The following BMPR2 variants were observed in gnomAD, a reference collection of about 807,000 sequenced individuals.
BMPR2 encodes bone morphogenetic protein receptor type-2.
BMPR2 carries 29 observed loss-of-function variants against 100.8 expected under a neutral mutation model. The observed-to-expected ratio is 0.29, with a 90% CI of 0.21 to 0.39. The LOEUF is 0.39. Among genes scored for constraint, BMPR2 ranks in the 10% least tolerant of loss-of-function variants. The probability of loss-of-function intolerance (pLI) is 1.00; values close to 1 mark genes in which losing one functional copy is unlikely to be tolerated. For missense variants in BMPR2, 1,011 were observed against 1,274.5 expected, an observed-to-expected ratio of 0.79 and a Z score of 3.15; for synonymous variants, 382 against 442.3, an observed-to-expected ratio of 0.86 and a Z score of 1.71.
chr2:202,422,140 T>C (rs1008866383), intron 1 of BMPR2, among the ~76,000 whole-genome samples: 14 of 151,504 alleles, frequency 9.2e-5, no homozygotes, highest in Non-Finnish European at 1.8e-4. Flanking sequence ...ATCTCCTGAC[T>C]TCGTGATCTG....
At chr2:202,474,006 G>C (rs1392664899) in intron 3 of BMPR2, among the ~76,000 whole-genome samples, 1 of 150,976 alleles carries the variant, frequency 6.6e-6, no homozygotes, top group African/African-American at 2.4e-5. Context: ...TCGGGAGGCT[G>C]AGGCAGAAGA....
Position 202,495,376 on chromosome 2 carries a change from C to T in BMPR2, c.419-18343C>T, listed in dbSNP as rs1441703455. On this transcript the variant is annotated intron_variant, in intron 3 of 12. Coordinates refer to ENST00000374580, the MANE Select transcript of BMPR2 (RefSeq NM_001204.7). This position sits in a 1 kb window ranked among gnomAD's most constrained non-coding sequence, Gnocchi z 4.5. ...CGTCTGCCCCAGCCAAACTCCGCGT[C>T]GTTGTCGTTCTGTCGACGGCCTGCC... 3.9e-5 allele frequency among the ~76,000 whole-genome samples: 6 copies of T among 152,330 alleles called. No individual in the cohort carries two copies. Among genetic ancestry groups the T allele is most frequent in the East Asian group, 1.9e-4 (1 of 5,188 alleles).
At chr2:202,533,388 CTAA>C (rs1474199945) in intron 9 of BMPR2, among the ~76,000 whole-genome samples, 3 of 151,614 alleles carry the variant, frequency 2.0e-5, no homozygotes, top group African/African-American at 4.9e-5. Flanking sequence ...CCCGTTTCTA[CTAA>C]TAATATGCAC....
At chr2:202,454,552 GTTAC>G (rs1414440423) in intron 1 of BMPR2, among the ~76,000 whole-genome samples, 1 of 152,038 alleles carries the variant, frequency 6.6e-6, no homozygotes, top group Non-Finnish European at 1.5e-5. Flanking sequence ...CTAGTTACTT[GTTAC>G]TTGTTATCTA....
intron 3 of BMPR2, among the ~76,000 whole-genome samples, chr2:202,492,710 A>AAG (rs1692929665): frequency 6.7e-6 from 1 of 149,776 alleles, no homozygotes; most frequent in African/African-American, 2.4e-5. Context: ...CAAAAAAAAA[A>AAG]AAAAAAAAAA....
In BMPR2 at chr2:202,481,672, CATTT is replaced by C. The variant is rs1376295554; in HGVS notation, c.418+13988_418+13991del. Among the ~76,000 whole-genome samples the C allele has an allele frequency of 3.9e-4, 60 of 152,122 alleles. 1 individual carries two copies. The highest frequency in any genetic ancestry group is 3.9e-3 in the Admixed American group (59 of 15,276). ...CTTTCCATTTATTTAGACCTTATTT[CATTT>C]ATTTCAACAATGTTTTATAGTTTAC... On this transcript the variant is annotated intron_variant, in intron 3 of 12. Transcript: ENST00000374580.
chr2:202,377,193 C>T lies in BMPR2; in HGVS notation c.-282C>T, dbSNP rs1690166620. On this transcript the variant is annotated 5_prime_UTR_variant, in exon 1 of 13. Transcript: ENST00000374580. The stretch of plus-strand genomic sequence containing the variant: ...ATTTGGGGGATTTCTTCTTGGCTCC[C>T]TGCTTTCCCCACAGACATGCCTTCC... The T allele has an allele frequency of 1.7e-6, 1 of 595,742 alleles. No homozygotes were observed. The highest frequency in any genetic ancestry group is 3.0e-6 in the Non-Finnish European group (1 of 334,076). 36.9% of individuals were successfully genotyped at this position (595,742 alleles called of 1,614,324 possible).
chr2:202,522,260 C>A (rs532405160), intron 7 of BMPR2, among the ~76,000 whole-genome samples: 1 of 152,310 alleles, frequency 6.6e-6, no homozygotes, highest in Non-Finnish European at 1.5e-5. Flanking sequence ...ATAATCCCAG[C>A]ACTTTGGGAG....
chr2:202,559,779 T>A lies in BMPR2; in HGVS notation c.2950T>A (p.Trp984Arg). 6.2e-7 allele frequency: 1 copy of A among 1,614,204 alleles called. No individual in the cohort carries two copies. The change falls in exon 13 of 13, where the codon TGG (tryptophan) becomes AGG (arginine). Residue 984 changes from tryptophan to arginine, a missense_variant. Physicochemically the swap from Trp to Arg is moderately radical, Grantham distance 101. Around this residue, in one of 6 missense-constraint regions of BMPR2, gnomAD observed 58 missense variants for 72.3 expected, o/e 0.80. Coordinates refer to ENST00000374580, the MANE Select transcript of BMPR2 (RefSeq NM_001204.7). ...RVKTPYSLKR[W>R]RPSTWVISTE... ...GAAAACTCCCTATTCTCTTAAGCGG[T>A]GGCGCCCCTCCACCTGGGTCATCTC...
rs754607369 is a variant in BMPR2 at position 202,501,320 on chromosome 2, G to A, written c.419-12399G>A. On this transcript the variant is annotated intron_variant, in intron 3 of 12. Coordinates refer to ENST00000374580, the MANE Select transcript of BMPR2 (RefSeq NM_001204.7). ...CCGACTATGGATCCCTGGATACAGCGAGATAGCCAGGCTCCTCTATACTCT... is the reference window on the plus strand; with the variant it reads ...CCGACTATGGATCCCTGGATACAGCAAGATAGCCAGGCTCCTCTATACTCT... 3.3e-5 allele frequency among the ~76,000 whole-genome samples: 5 copies of A among 152,298 alleles called. No homozygotes were observed. The East Asian group carries it at 7.7e-4, about 23-fold the overall frequency.
intron 11 of BMPR2, among the ~76,000 whole-genome samples, chr2:202,553,985 G>A (rs1396033836): frequency 1.3e-5 from 2 of 152,178 alleles, no homozygotes; most frequent in South Asian, 2.1e-4. Flanking sequence ...GTGAGCCACC[G>A]TGCCCGGCCT....
intron 1 of BMPR2, among the ~76,000 whole-genome samples, chr2:202,389,990 A>G (rs1437780243): frequency 7.8e-6 from 1 of 128,680 alleles, no homozygotes; most frequent in African/African-American, 3.2e-5. Context: ...AGAAATGATA[A>G]TGAAGTATAC....
chr2:202,417,511 T>C (rs1691159004), intron 1 of BMPR2, among the ~76,000 whole-genome samples: 1 of 151,522 alleles, frequency 6.6e-6, no homozygotes. Flanking sequence ...CCATGTTGGT[T>C]AGGCTGGTCT....
At chr2:202,471,924 G>GTGT (rs951857199) in intron 3 of BMPR2, among the ~76,000 whole-genome samples, 8 of 151,980 alleles carry the variant, frequency 5.3e-5, no homozygotes, top group African/African-American at 1.9e-4. Context: ...GTGTGTGTGT[G>GTGT]TGTGTGTGTG....
At chr2:202,483,585 G>A (rs766632163) in intron 3 of BMPR2, among the ~76,000 whole-genome samples, 5 of 152,066 alleles carry the variant, frequency 3.3e-5, no homozygotes, top group East Asian at 1.9e-4. Context: ...TTTTGGTAGC[G>A]ATGGGGTTTT....
chr2:202,552,580 TA>T, intron 10 of BMPR2, 135 bp from the exon 11 acceptor site: 1 of 882,274 alleles, frequency 1.1e-6, no homozygotes, highest in Non-Finnish European at 1.8e-6. Flanking sequence ...CCTTGAAGCC[TA>T]AAATATGTTA....
At chr2:202,436,399 T>C (rs1691615605) in intron 1 of BMPR2, among the ~76,000 whole-genome samples, 1 of 150,296 alleles carries the variant, frequency 6.7e-6, no homozygotes, top group African/African-American at 2.5e-5. Flanking sequence ...TGAGCCCTGA[T>C]TGTGCTACCG....
intron 10 of BMPR2, among the ~76,000 whole-genome samples, chr2:202,552,148 TG>T (rs1574504967): frequency 6.6e-6 from 1 of 152,048 alleles, no homozygotes; most frequent in East Asian, 1.9e-4. Context: ...CCACCACGCC[TG>T]GCCAATTTTT....
At chr2:202,522,235 C>T (rs1048129352) in intron 7 of BMPR2, among the ~76,000 whole-genome samples, 1 of 151,996 alleles carries the variant, frequency 6.6e-6, no homozygotes, top group Non-Finnish European at 1.5e-5. Context: ...TGGCCGGGCA[C>T]GGTGGCTCAC....
Sources: allele counts gnomAD v4.1 joint callset (sites outside exome capture counted in the v4.1 genomes callset), GRCh38; gene constraint gnomAD v4.1.1; regional missense constraint gnomAD v4.1.1; non-coding constraint Gnocchi (gnomAD v3.1); transcripts MANE v1.5; gene names NCBI Gene and HGNC (gene_info 2026-07-23, HGNC 2026-07-21).